F13A1: variants seen among roughly 807,000 people sequenced by gnomAD.
F13A1 encodes FSF, A subunit.
In F13A1, 47 loss-of-function variants were observed where a neutral mutation model predicts 80.1. The observed-to-expected ratio is 0.59, with a 90% CI of 0.46 to 0.75. F13A1 has a LOEUF of 0.75. F13A1 is among the 30% of genes least tolerant of loss of function. The pLI is 0.00. For missense variants in F13A1, 817 were observed against 930.4 expected, an observed-to-expected ratio of 0.88 and a Z score of 1.59; for synonymous variants, 349 against 344.9, an observed-to-expected ratio of 1.01 and a Z score of -0.13.
intron 14 of F13A1, 118 bp from the exon 15 acceptor site, chr6:6,145,890 C>T: frequency 7.4e-7 from 1 of 1,343,876 alleles, no homozygotes; most frequent in South Asian, 1.2e-5. Flanking sequence ...GTGCTTAGGA[C>T]ACTGAAGACT....
rs1030902557 is a variant in F13A1, at chr6:6,151,688, C to G, written c.2045+125G>C. ...CTCCACGCCCTACAGAAATGGTCGG[C>G]AAGGAGGAGGCAGCTTCCAAGACAT... On this transcript the variant is annotated intron_variant, in intron 14 of 14. Coordinates refer to ENST00000264870, the MANE Select transcript of F13A1 (RefSeq NM_000129.4). 6 of 1,355,588 alleles carry G rather than the reference C, an allele frequency of 4.4e-6. No homozygotes were observed. In the African/African-American group the frequency reaches 7.1e-5, roughly 16 times the overall value. 84.0% of individuals were successfully genotyped at this position (1,355,588 alleles called of 1,614,324 possible). A position where few individuals can be genotyped will look rare whatever the true frequency, so the allele number is the denominator to read the frequency against.
intron 13 of F13A1, among the ~76,000 whole-genome samples, chr6:6,164,185 GAAAAA>G (rs887807065): frequency 6.6e-6 from 1 of 150,546 alleles, no homozygotes; most frequent in Non-Finnish European, 1.5e-5. Context: ...ACAAGCATAT[GAAAAA>G]AAAAGCCCAT....
chr6:6,284,288 A>G (rs1758106135), intron 3 of F13A1, among the ~76,000 whole-genome samples: 1 of 152,210 alleles, frequency 6.6e-6, no homozygotes, highest in Non-Finnish European at 1.5e-5. Flanking sequence ...TGAAAGTTAG[A>G]AAAGGTTGAA....
chr6:6,201,670 G>A (rs180709044), intron 8 of F13A1, among the ~76,000 whole-genome samples: 187 of 152,278 alleles, frequency 1.2e-3, no homozygotes, highest in Non-Finnish European at 9.4e-4. Flanking sequence ...CTCCATGAAA[G>A]AGGCTAATGT....
chr6:6,254,288 A>G (rs769980471), intron 4 of F13A1, among the ~76,000 whole-genome samples: 1 of 152,178 alleles, frequency 6.6e-6, no homozygotes, highest in Non-Finnish European at 1.5e-5. Context: ...ACTTTGCCCA[A>G]TGCTATTTCT....
chr6:6,307,552 T>A (rs1375951556), intron 2 of F13A1, among the ~76,000 whole-genome samples: 10 of 150,998 alleles, frequency 6.6e-5, no homozygotes, highest in East Asian at 3.9e-4. Flanking sequence ...GGCTTTAAAG[T>A]TTTTTTTTTA....
chr6:6,310,095 A>G (rs887156369), intron 2 of F13A1, among the ~76,000 whole-genome samples: 7 of 152,220 alleles, frequency 4.6e-5, no homozygotes, highest in Non-Finnish European at 1.0e-4. Flanking sequence ...ATGTCTAGTG[A>G]GACTGGTTAG....
chr6:6,200,035 T>C (rs776966261), intron 8 of F13A1, among the ~76,000 whole-genome samples: 4 of 152,196 alleles, frequency 2.6e-5, no homozygotes, highest in Non-Finnish European at 4.4e-5. Context: ...AAAGTCTGTG[T>C]TGGGACTGGT....
rs1761307669 is a variant in F13A1, at chr6:6,197,243, G to T, written c.1196C>A (p.Thr399Asn). Residue 399 changes from threonine (T) to asparagine (N), a missense_variant, in exon 9 of 15, where the codon ACC becomes AAC. Thr to Asn is a moderately conservative substitution (Grantham distance 65). Coordinates refer to ENST00000264870, the MANE Select transcript of F13A1 (RefSeq NM_000129.4). ...GFGGWQAVDSTPQENSDGMYR... is the reference protein window; with the variant it reads ...GFGGWQAVDSNPQENSDGMYR... ...TTTACCATCGCTATTTTCCTGGGGG[G>T]TGCTGTCCACAGCTTGCCAGCCTCC... is the stretch of plus-strand genomic sequence containing the variant. 2 of 1,614,114 alleles carry T rather than the reference G, an allele frequency of 1.2e-6. No homozygotes were observed. Among genetic ancestry groups the T allele is most frequent in the Non-Finnish European group, 1.7e-6 (2 of 1,179,986 alleles).
intron 3 of F13A1, among the ~76,000 whole-genome samples, chr6:6,271,038 G>A (rs1254712098): frequency 1.4e-5 from 2 of 145,592 alleles, no homozygotes; most frequent in Non-Finnish European, 3.0e-5. Context: ...CTGATGCCAC[G>A]TGGCCCGGGA....
intron 14 of F13A1, among the ~76,000 whole-genome samples, chr6:6,149,018 A>T (rs1760329715): frequency 6.6e-6 from 1 of 152,108 alleles, no homozygotes; most frequent in Non-Finnish European, 1.5e-5. Context: ...ATTATACCAT[A>T]GAAGCAAAGA....
At chr6:6,184,284 C>T (rs1361970003) in intron 10 of F13A1, among the ~76,000 whole-genome samples, 1 of 152,226 alleles carries the variant, frequency 6.6e-6, no homozygotes, top group Non-Finnish European at 1.5e-5. Context: ...CAGCTCAAGC[C>T]CTGGGACAGC....
chr6:6,218,734 G>A (rs563305693), intron 8 of F13A1, among the ~76,000 whole-genome samples: 2 of 152,290 alleles, frequency 1.3e-5, no homozygotes, highest in African/African-American at 4.8e-5. Flanking sequence ...TCATGCAGGG[G>A]ACCTACGGTG....
intron 8 of F13A1, among the ~76,000 whole-genome samples, chr6:6,200,789 A>C (rs971923646): frequency 1.3e-5 from 2 of 152,146 alleles, no homozygotes; most frequent in Non-Finnish European, 1.5e-5. Flanking sequence ...GTGGGAAGCA[A>C]GGCAGGGTCT....
At chr6:6,300,632 G>A (rs1231031566) in intron 3 of F13A1, among the ~76,000 whole-genome samples, 6 of 151,900 alleles carry the variant, frequency 3.9e-5, no homozygotes, top group African/African-American at 1.5e-4. Context: ...ACTGACTTGT[G>A]CCCACTGTGC....
chr6:6,161,080 G>A (rs9379013), intron 13 of F13A1, among the ~76,000 whole-genome samples: 7 of 152,044 alleles, frequency 4.6e-5, no homozygotes, highest in African/African-American at 1.7e-4. Flanking sequence ...TAGAATGGCA[G>A]GTACTGAGTA....
chr6:6,153,855 G>C (rs1387274275), intron 13 of F13A1, among the ~76,000 whole-genome samples: 2 of 152,122 alleles, frequency 1.3e-5, no homozygotes, highest in African/African-American at 4.8e-5. Flanking sequence ...GTATCAGCTC[G>C]ATCAGACTAT....
intron 3 of F13A1, among the ~76,000 whole-genome samples, chr6:6,304,889 A>T (rs1201995255): frequency 6.7e-6 from 1 of 149,488 alleles, no homozygotes; most frequent in Non-Finnish European, 1.5e-5. Context: ...AAGGGTGATT[A>T]AAGTACAAAG....
rs1491182466 is a variant in F13A1 at position 6,316,077 on chromosome 6, GCA to G, written c.130+2456_130+2457del. ...GGTTTGTGTGCTGCTATGTGTGTGT[GCA>G]TATATATATATATATATATATATAT... On this transcript the variant is annotated intron_variant, in intron 2 of 14. Coordinates refer to ENST00000264870, the MANE Select transcript of F13A1 (RefSeq NM_000129.4). Among the ~76,000 whole-genome samples, 110 of 49,646 alleles carry G rather than the reference GCA, an allele frequency of 2.2e-3. 3 individuals carry two copies. The highest frequency in any genetic ancestry group is 4.8e-3 in the South Asian group (6 of 1,238). The allele number at this position is 49,646 out of a possible 152,430, so 32.6% of individuals were successfully genotyped here. A position where few individuals can be genotyped will look rare whatever the true frequency, so the allele number is the denominator to read the frequency against.
Sources: allele counts gnomAD v4.1 joint callset (sites outside exome capture counted in the v4.1 genomes callset), GRCh38; gene constraint gnomAD v4.1.1; transcripts MANE v1.5; gene names NCBI Gene and HGNC (gene_info 2026-07-23, HGNC 2026-07-21).